Variants in GDAP1 observed in about 807,000 individuals in gnomAD.
GDAP1 encodes the protein ganglioside induced differentiation associated protein 1.
In GDAP1, 34 loss-of-function variants were observed where a neutral mutation model predicts 40.1. That is an observed-to-expected ratio of 0.85 (90% CI 0.64 to 1.13). The LOEUF is 1.13. Ranked by LOEUF, GDAP1 falls within the 50% of genes most tolerant of loss-of-function variation. The pLI is 0.00. For synonymous variants in GDAP1, 170 were observed against 157.4 expected, an observed-to-expected ratio of 1.08 and a Z score of -0.60; for missense variants, 374 against 433.7, an observed-to-expected ratio of 0.86 and a Z score of 1.22.
chr8:74,463,554 G>A (rs1806430451), intron 2 of GDAP1, among the ~76,000 whole-genome samples: 1 of 152,072 alleles, frequency 6.6e-6, no homozygotes, highest in Non-Finnish European at 1.5e-5. Flanking sequence ...CTGCAGGAAA[G>A]TGCATTCTGC....
intron 2 of GDAP1, among the ~76,000 whole-genome samples, chr8:74,410,240 A>G (rs1805692769): frequency 6.7e-6 from 1 of 149,960 alleles, no homozygotes; most frequent in Non-Finnish European, 1.5e-5. Context: ...GCTGAAAATT[A>G]CAGCATTCAC....
Position 74,363,975 on chromosome 8 carries a change from C to G in GDAP1, c.695-10C>G, listed in dbSNP as rs1809495803. ...TGCCTCTAATTCTCTATGTCCCTTT[C>G]TCTAATTAGAAGAGGGCCAGCAACC... On this transcript the variant is annotated splice_polypyrimidine_tract_variant and intron_variant, in intron 5 of 5. Transcript: ENST00000220822. The G allele has an allele frequency of 6.2e-7, 1 of 1,613,136 alleles. No homozygotes were observed. The highest frequency in any genetic ancestry group is 1.3e-5 in the African/African-American group (1 of 74,910).
At chr8:74,473,798 G>A (rs1017376892) in intron 2 of GDAP1, among the ~76,000 whole-genome samples, 1 of 147,530 alleles carries the variant, frequency 6.8e-6, no homozygotes, top group Admixed American at 6.9e-5. Flanking sequence ...CCCTTTTTTG[G>A]TTCTCTATGA....
intron 2 of GDAP1, among the ~76,000 whole-genome samples, chr8:74,482,122 G>T (rs866006500): frequency 0.027 from 1,678 of 61,488 alleles, 32 homozygotes; most frequent in African/African-American, 0.064. Flanking sequence ...TTTTTTTTGG[G>T]GGGGGGGGGT....
At chr8:74,420,209 G>A (rs2131558485) in intron 2 of GDAP1, among the ~76,000 whole-genome samples, 1 of 152,194 alleles carries the variant, frequency 6.6e-6, no homozygotes, top group South Asian at 2.1e-4. Flanking sequence ...TGGAATTTTG[G>A]TGGGAACTTC....
intron 2 of GDAP1, among the ~76,000 whole-genome samples, chr8:74,413,090 A>G (rs917172692): frequency 3.4e-5 from 5 of 145,544 alleles, no homozygotes; most frequent in East Asian, 2.0e-4. Flanking sequence ...AAAAAAAAAG[A>G]TTTCTGAAGC....
chr8:74,398,048 G>C (rs1810240831), intron 2 of GDAP1, among the ~76,000 whole-genome samples: 1 of 151,292 alleles, frequency 6.6e-6, no homozygotes, highest in African/African-American at 2.4e-5. Context: ...GTGGTTTGTA[G>C]TTCTCCTTGA....
chr8:74,445,339 T>A (rs771003849), intron 2 of GDAP1, among the ~76,000 whole-genome samples: 1 of 152,186 alleles, frequency 6.6e-6, no homozygotes, highest in African/African-American at 2.4e-5. Context: ...ATAAATAAAT[T>A]TAGATAAGGT....
At chr8:74,367,204 A>T (rs1809674397), downstream of GDAP1, 1 of 155,698 alleles carries the variant, frequency 6.4e-6, no homozygotes, top group Non-Finnish European at 1.4e-5. Context: ...CTGAGTACTT[A>T]TCTTTGCAAA....
intron 2 of GDAP1, among the ~76,000 whole-genome samples, chr8:74,405,951 G>C (rs1805631971): frequency 6.7e-6 from 1 of 150,126 alleles, no homozygotes; most frequent in African/African-American, 2.5e-5. Flanking sequence ...TATCCGATGA[G>C]ACATTCTGAA....
downstream of GDAP1, among the ~76,000 whole-genome samples, chr8:74,370,095 T>C (rs368876026): frequency 9.9e-5 from 15 of 152,190 alleles, no homozygotes; most frequent in East Asian, 2.7e-3. Flanking sequence ...TTCAGACTGA[T>C]GGAGAATGAT....
intron 2 of GDAP1, among the ~76,000 whole-genome samples, chr8:74,452,311 T>A (rs1806301499): frequency 1.2e-5 from 1 of 83,498 alleles, no homozygotes; most frequent in East Asian, 3.5e-4. Flanking sequence ...GCCAATATTT[T>A]GCGCTACATT....
intron 2 of GDAP1, among the ~76,000 whole-genome samples, chr8:74,377,210 G>T (rs2131534647): frequency 8.4e-6 from 1 of 118,986 alleles, no homozygotes; most frequent in South Asian, 3.2e-4. Context: ...TGTTATCAAA[G>T]TTATAACTGC....
chr8:74,406,311 T>C (rs1391516307), intron 2 of GDAP1, among the ~76,000 whole-genome samples: 3 of 150,520 alleles, frequency 2.0e-5, no homozygotes, highest in East Asian at 1.9e-4. Context: ...CTCCGTGCCA[T>C]TTAATGAATT....
At chr8:74,434,286 T>G (rs771712404) in intron 2 of GDAP1, among the ~76,000 whole-genome samples, 1 of 152,216 alleles carries the variant, frequency 6.6e-6, no homozygotes, top group Non-Finnish European at 1.5e-5. Context: ...AAGACCGTGA[T>G]CATTTCATTA....
At chr8:74,412,902 C>CAA (rs758257475) in intron 2 of GDAP1, among the ~76,000 whole-genome samples, 11 of 128,760 alleles carry the variant, frequency 8.5e-5, no homozygotes, top group Non-Finnish European at 9.7e-5. Context: ...ACTAAAAATA[C>CAA]AAAAAAAAAA....
intron 2 of GDAP1, among the ~76,000 whole-genome samples, chr8:74,391,503 G>A (rs935028737): frequency 6.6e-6 from 1 of 151,638 alleles, no homozygotes; most frequent in African/African-American, 2.4e-5. Flanking sequence ...CCCTCTGTGG[G>A]CTGCACCCAC....
intron 2 of GDAP1, among the ~76,000 whole-genome samples, chr8:74,417,757 CAAAAAAAAA>C (rs71269993): frequency 2.6e-5 from 2 of 75,938 alleles, no homozygotes; most frequent in Admixed American, 1.6e-4. Flanking sequence ...AACTCCATCT[CAAAAAAAAA>C]AAAAAAAAAA....
chr8:74,380,380 A>G (rs970089108), intron 2 of GDAP1, among the ~76,000 whole-genome samples: 3 of 152,196 alleles, frequency 2.0e-5, no homozygotes, highest in African/African-American at 7.2e-5. Flanking sequence ...TTTCTAATTG[A>G]TGGATGATTC....
Sources: allele counts gnomAD v4.1 joint callset (sites outside exome capture counted in the v4.1 genomes callset), GRCh38; gene constraint gnomAD v4.1.1; transcripts MANE v1.5; gene names NCBI Gene and HGNC (gene_info 2026-07-23, HGNC 2026-07-21).